CNBD2: variants seen among roughly 807,000 people sequenced by gnomAD.
The protein encoded by CNBD2 is cyclic nucleotide binding domain containing 2.
Under a neutral mutation model 63.7 loss-of-function variants are expected in CNBD2, and 64 were observed. That is an observed-to-expected ratio of 1.00 (90% confidence interval 0.82 to 1.24). CNBD2 has a LOEUF of 1.24. Ranked by LOEUF, CNBD2 falls within the 50% of genes most tolerant of loss-of-function variation. The pLI is 0.00. For missense variants in CNBD2, 691 were observed against 713.5 expected, an observed-to-expected ratio of 0.97 and a Z score of 0.36; for synonymous variants, 229 against 255.4, an observed-to-expected ratio of 0.90 and a Z score of 0.99.
At chr20:36,005,165 A>G (rs1306096550) in intron 8 of CNBD2, among the ~76,000 whole-genome samples, 1 of 152,192 alleles carries the variant, frequency 6.6e-6, no homozygotes, top group Non-Finnish European at 1.5e-5. Flanking sequence ...TACTGGATCA[A>G]ATAGTTCAGC....
intron 11 of CNBD2, among the ~76,000 whole-genome samples, chr20:36,027,984 T>C (rs2057301329): frequency 6.6e-6 from 1 of 152,026 alleles, no homozygotes; most frequent in African/African-American, 2.4e-5. Flanking sequence ...CATTAATAAA[T>C]TTAAAGAGCA....
intron 2 of CNBD2, among the ~76,000 whole-genome samples, chr20:35,961,818 C>T (rs1385364435): frequency 1.3e-5 from 2 of 152,104 alleles, no homozygotes; most frequent in African/African-American, 4.8e-5. Flanking sequence ...TAGCCCTCTC[C>T]TCTTCCGATC....
chr20:35,983,482 C>A (rs1329648648), intron 4 of CNBD2, among the ~76,000 whole-genome samples: 1 of 152,062 alleles, frequency 6.6e-6, no homozygotes, highest in African/African-American at 2.4e-5. Flanking sequence ...ATGATAAGAC[C>A]ATTATCTGTG....
intron 4 of CNBD2, among the ~76,000 whole-genome samples, chr20:35,981,176 G>A (rs931776253): frequency 1.3e-5 from 2 of 152,162 alleles, no homozygotes; most frequent in African/African-American, 4.8e-5. Flanking sequence ...GGAGATTCGG[G>A]TTCTAGCTCT....
Position 36,023,768 on chromosome 20 carries a change from C to A in CNBD2, c.1436C>A (p.Pro479His), listed in dbSNP as rs753316398. 1.2e-6 allele frequency: 2 copies of A among 1,608,458 alleles called. No individual in the cohort carries two copies. Among genetic ancestry groups the A allele is most frequent in the South Asian group, 1.1e-5 (1 of 89,944 alleles). Reference sequence around the variant, plus strand: ...TTGTTAAAGCTCAATATTGCATTCCCCAGGTCAGTACTGGAAATGTGCGTA... The same window carrying A: ...TTGTTAAAGCTCAATATTGCATTCCACAGGTCAGTACTGGAAATGTGCGTA... ...KKLLKLNIAF[P>H]SDEDMCQKFL... is the part of the protein sequence containing the mutation. Residue 479 changes from proline (P) to histidine (H), a missense_variant, in exon 11 of 12, where the codon CCC (proline) becomes CAC (histidine). Transcript: ENST00000373973.
intron 8 of CNBD2, among the ~76,000 whole-genome samples, chr20:35,996,076 C>A (rs1260880713): frequency 6.6e-6 from 1 of 152,196 alleles, no homozygotes; most frequent in African/African-American, 2.4e-5. Context: ...GTTTCTCATG[C>A]TGGACCAGAT....
chr20:36,001,565 TGG>T (rs2056904894), intron 8 of CNBD2, among the ~76,000 whole-genome samples: 1 of 133,630 alleles, frequency 7.5e-6, no homozygotes, highest in African/African-American at 2.9e-5. Context: ...CCAGACGGGG[TGG>T]CTGCCGGGCG....
chr20:35,987,644 T>G, intron 7 of CNBD2, 111 bp downstream of exon 7: 3 of 1,236,312 alleles, frequency 2.4e-6, no homozygotes, highest in Non-Finnish European at 3.4e-6. Flanking sequence ...CCTGTGCAAT[T>G]CACTTCCTTC....
chr20:36,004,088 G>GT (rs2056951933), intron 8 of CNBD2, among the ~76,000 whole-genome samples: 1 of 152,130 alleles, frequency 6.6e-6, no homozygotes. Flanking sequence ...GGAAGCCACA[G>GT]TTTTTTTATA....
intron 2 of CNBD2, among the ~76,000 whole-genome samples, chr20:35,961,054 C>T (rs1180358304): frequency 2.0e-5 from 3 of 152,004 alleles, no homozygotes; most frequent in Non-Finnish European, 4.4e-5. Context: ...CTCAGCCTCT[C>T]GAGTAGCTGG....
intron 10 of CNBD2, among the ~76,000 whole-genome samples, chr20:36,017,627 AC>A (rs2057152922): frequency 6.6e-6 from 1 of 152,182 alleles, no homozygotes; most frequent in Non-Finnish European, 1.5e-5. Context: ...GAAGAAATCC[AC>A]TTCCTTAGCA....
intron 1 of CNBD2, among the ~76,000 whole-genome samples, chr20:35,971,814 C>T (rs970682730): frequency 3.3e-5 from 5 of 152,124 alleles, no homozygotes; most frequent in African/African-American, 1.2e-4. Flanking sequence ...GAGCAGCCCC[C>T]ATGCCTTGTT....
At chr20:35,976,894 A>C (rs1406069066) in intron 3 of CNBD2, among the ~76,000 whole-genome samples, 1 of 152,060 alleles carries the variant, frequency 6.6e-6, no homozygotes. Context: ...TATCAGGGCC[A>C]CCTGTGCCCA....
At position 35,975,974 on chromosome 20, in the gene CNBD2, TTGA is replaced by T. The variant is rs759223572; in HGVS notation, c.217_219del (p.Asp73del). ...AAAAAGATGCAAAGCCGAGTCACAT[TTGA>T]TACCATGGACTTCATTGCAGAGGAG... On this transcript the variant is annotated inframe_deletion, in exon 3 of 12. Transcript: ENST00000373973. The T allele has an allele frequency of 6.2e-5, 100 of 1,613,260 alleles. No individual in the cohort carries two copies. Among genetic ancestry groups the T allele is most frequent in the Non-Finnish European group, 8.1e-5 (96 of 1,179,404 alleles).
At chr20:35,976,810 G>A (rs1384486141) in intron 3 of CNBD2, among the ~76,000 whole-genome samples, 1 of 152,178 alleles carries the variant, frequency 6.6e-6, no homozygotes, top group Non-Finnish European at 1.5e-5. Context: ...GACCTGACTT[G>A]ATCCTGGCTT....
intron 8 of CNBD2, among the ~76,000 whole-genome samples, chr20:35,999,406 T>C (rs1321224900): frequency 6.6e-6 from 1 of 152,190 alleles, no homozygotes; most frequent in East Asian, 1.9e-4. Context: ...GATTATGTAT[T>C]TTGTATAATT....
chr20:35,977,435 C>T (rs761217870), intron 3 of CNBD2, among the ~76,000 whole-genome samples: 3 of 152,092 alleles, frequency 2.0e-5, no homozygotes, highest in Admixed American at 6.6e-5. Context: ...TTTGGGAGGC[C>T]GAGGCAGGAA....
Position 36,005,116 on chromosome 20 carries a change from TC to T in CNBD2, c.971-3180del, listed in dbSNP as rs2056966589. Among the ~76,000 whole-genome samples, 10 of 152,372 alleles carry T rather than the reference TC, an allele frequency of 6.6e-5. No homozygotes were observed. In the South Asian group the frequency reaches 2.1e-3, roughly 32 times the overall value. On this transcript the variant is annotated intron_variant, in intron 8 of 11. Transcript: ENST00000373973. ...ATTTCCTGGTGTGTTTGTCTTTGCATCTGTGTGCAAGGAAACGTATTAGACA... is the reference window on the plus strand; with the variant it reads ...ATTTCCTGGTGTGTTTGTCTTTGCATTGTGTGCAAGGAAACGTATTAGACA...
intron 8 of CNBD2, among the ~76,000 whole-genome samples, chr20:36,003,529 C>T (rs895783345): frequency 6.6e-5 from 10 of 152,096 alleles, no homozygotes; most frequent in Non-Finnish European, 1.3e-4. Flanking sequence ...TTGTGTATTT[C>T]AGAATGCCCC....
Sources: allele counts gnomAD v4.1 joint callset (sites outside exome capture counted in the v4.1 genomes callset), GRCh38; gene constraint gnomAD v4.1.1; transcripts MANE v1.5; gene names NCBI Gene and HGNC (gene_info 2026-07-23, HGNC 2026-07-21).